Variants in DLG2 observed in about 807,000 individuals in gnomAD.
The protein encoded by DLG2 is disks large homolog 2.
In DLG2, 45 loss-of-function variants were observed where a neutral mutation model predicts 132.5. The observed-to-expected ratio is 0.34, with a 90% CI of 0.27 to 0.44. The LOEUF (loss-of-function observed/expected upper bound fraction) is 0.44, where lower values mean the gene tolerates loss of function less well. DLG2 is among the 20% of genes least tolerant of loss of function. The pLI, the probability that DLG2 is intolerant of heterozygous loss-of-function variation, is 1.00. For missense variants in DLG2, 1,045 were observed against 1,196.9 expected (o/e 0.87, Z 1.87); for synonymous variants, 424 against 419.6 (o/e 1.01, Z -0.13).
chr11:83,534,197 G>A (rs914915868), intron 20 of DLG2, among the ~76,000 whole-genome samples: 1 of 152,098 alleles, frequency 6.6e-6, no homozygotes, highest in African/African-American at 2.4e-5. Flanking sequence ...TGATTTCCTT[G>A]TGTTTACTTA....
intron 7 of DLG2, among the ~76,000 whole-genome samples, chr11:84,286,253 G>T (rs2097909006): frequency 6.6e-6 from 1 of 152,124 alleles, no homozygotes. Flanking sequence ...AGACTTTACA[G>T]TGGCTTCCAG....
chr11:83,988,328 C>G (rs2093474606), intron 11 of DLG2, among the ~76,000 whole-genome samples: 1 of 152,028 alleles, frequency 6.6e-6, no homozygotes, highest in Admixed American at 6.6e-5. Flanking sequence ...AGGAAGGGAT[C>G]CAGCTTCAAT....
Position 83,502,105 on chromosome 11 carries a change from T to C in DLG2, c.2194-17877A>G, listed in dbSNP as rs140753286. ...AAATGCTTACTCATATAGCGGATAC[T>C]TTTATAAGTGCTTTACATGGATTAA... On this transcript the variant is annotated intron_variant, in intron 21 of 27. Transcript: ENST00000376104. Among the ~76,000 whole-genome samples the C allele has an allele frequency of 4.4e-3, 673 of 152,340 alleles. 3 individuals are homozygous for C. The highest frequency in any genetic ancestry group is 0.015 in the African/African-American group (630 of 41,576).
chr11:84,835,657 G>C (rs1162085568), intron 6 of DLG2, among the ~76,000 whole-genome samples: 1 of 151,556 alleles, frequency 6.6e-6, no homozygotes, highest in African/African-American at 2.4e-5. Flanking sequence ...CATACAGCTG[G>C]CTGTACTGGC....
At chr11:84,751,553 C>G (rs1254153180) in intron 6 of DLG2, among the ~76,000 whole-genome samples, 2 of 152,096 alleles carry the variant, frequency 1.3e-5, no homozygotes, top group Admixed American at 1.3e-4. Context: ...CATTCACATA[C>G]AGCCACAATT....
chr11:84,713,824 A>G (rs1405684664), intron 6 of DLG2, among the ~76,000 whole-genome samples: 1 of 152,142 alleles, frequency 6.6e-6, no homozygotes, highest in Non-Finnish European at 1.5e-5. Flanking sequence ...AATCCAAAAG[A>G]GACTTATTCC....
At position 84,373,263 on chromosome 11, in the gene DLG2, AAC is replaced by A. The variant is rs1215447440; in HGVS notation, c.520-121974_520-121973del. On this transcript the variant is annotated intron_variant, in intron 7 of 27. Coordinates refer to ENST00000376104, the MANE Select transcript of DLG2 (RefSeq NM_001142699.3). ...TAAGAAACAGTCAAAAAAAAAAAAA[AAC>A]AAAACAAAAAAAAAACCCACCAGGC... 1.9e-4 allele frequency among the ~76,000 whole-genome samples: 20 copies of A among 106,454 alleles called. 3 individuals are homozygous for A. Among genetic ancestry groups the A allele is most frequent in the Non-Finnish European group, 2.8e-4 (15 of 53,492 alleles). The allele number at this position is 106,454 out of a possible 152,430, so 69.8% of individuals were successfully genotyped here.
chr11:84,784,370 T>TA (rs778698670), intron 6 of DLG2, among the ~76,000 whole-genome samples: 5,603 of 134,810 alleles, frequency 0.042, 159 homozygotes, highest in Non-Finnish European at 0.062. Flanking sequence ...ATAAATAAAT[T>TA]AAACAAGAGT....
At chr11:84,979,696 C>A (rs1266386663) in intron 6 of DLG2, among the ~76,000 whole-genome samples, 1 of 152,032 alleles carries the variant, frequency 6.6e-6, no homozygotes, top group African/African-American at 2.4e-5. Context: ...ATGAGATATA[C>A]CTAATATTAA....
intron 6 of DLG2, among the ~76,000 whole-genome samples, chr11:84,968,981 G>A (rs1448590011): frequency 1.3e-5 from 2 of 151,156 alleles, no homozygotes; most frequent in East Asian, 3.9e-4. Context: ...AACGTGTGTA[G>A]AGCAGTATAT....
At chr11:85,225,325 C>A (rs1343333494) in intron 4 of DLG2, among the ~76,000 whole-genome samples, 1 of 152,108 alleles carries the variant, frequency 6.6e-6, no homozygotes, top group Non-Finnish European at 1.5e-5. Context: ...TCATGAAGAT[C>A]CTGTCCCAGC....
intron 6 of DLG2, among the ~76,000 whole-genome samples, chr11:84,650,189 A>C (rs2099679856): frequency 1.3e-5 from 2 of 152,094 alleles, no homozygotes; most frequent in African/African-American, 4.8e-5. Flanking sequence ...AGCTGCTCCA[A>C]AAGTCTGCCT....
chr11:85,527,364 A>T (rs1439019226), intron 3 of DLG2, among the ~76,000 whole-genome samples: 1 of 151,674 alleles, frequency 6.6e-6, no homozygotes, highest in Non-Finnish European at 1.5e-5. Context: ...ACCCCTCAAC[A>T]GGCTCTGGTG....
intron 6 of DLG2, among the ~76,000 whole-genome samples, chr11:84,894,366 CTCT>C (rs2089894562): frequency 6.6e-6 from 1 of 152,166 alleles, no homozygotes; most frequent in South Asian, 2.1e-4. Flanking sequence ...CTTCTGCTCA[CTCT>C]TCTTTACCAC....
intron 6 of DLG2, among the ~76,000 whole-genome samples, chr11:84,714,593 CTTTCTT>C (rs1565749304): frequency 0.011 from 1,210 of 109,678 alleles, 47 homozygotes; most frequent in African/African-American, 0.044. Context: ...TTCTCTTTCT[CTTTCTT>C]TCTCTTTCTC....
chr11:84,793,248 T>C (rs896901470), intron 6 of DLG2, among the ~76,000 whole-genome samples: 2 of 152,196 alleles, frequency 1.3e-5, no homozygotes, highest in Non-Finnish European at 2.9e-5. Context: ...TTCTAGTTTG[T>C]TTTCATTGTA....
intron 3 of DLG2, among the ~76,000 whole-genome samples, chr11:85,490,939 C>A (rs1395429386): frequency 6.6e-6 from 1 of 152,016 alleles, no homozygotes; most frequent in Non-Finnish European, 1.5e-5. Context: ...CGGTACCATC[C>A]TGATACCAAA....
chr11:85,515,571 A>G (rs1379866796), intron 3 of DLG2, among the ~76,000 whole-genome samples: 2 of 151,994 alleles, frequency 1.3e-5, no homozygotes, highest in Non-Finnish European at 2.9e-5. Context: ...TGAATCTAGC[A>G]AGTGATCAAA....
chr11:83,882,482 A>T (rs1368506187), intron 15 of DLG2, among the ~76,000 whole-genome samples: 1 of 152,236 alleles, frequency 6.6e-6, no homozygotes, highest in East Asian at 1.9e-4. Flanking sequence ...TTTTCATTCC[A>T]TAGCCAAAGA....
Sources: allele counts gnomAD v4.1 joint callset (sites outside exome capture counted in the v4.1 genomes callset), GRCh38; gene constraint gnomAD v4.1.1; transcripts MANE v1.5; gene names NCBI Gene and HGNC (gene_info 2026-07-23, HGNC 2026-07-21).